SLC25A48: variants seen among roughly 807,000 people sequenced by gnomAD.
The protein encoded by SLC25A48 is CTC-321K16.1.
Under a neutral mutation model 32.2 loss-of-function variants are expected in SLC25A48, and 29 were observed. The ratio of observed to expected loss-of-function variants is 0.90; its 90% CI spans 0.67 to 1.23. The LOEUF (loss-of-function observed/expected upper bound fraction) is 1.23. SLC25A48 is among the 50% of genes most tolerant of loss of function. The pLI is 0.00. For missense variants in SLC25A48, 399 were observed against 422.7 expected (o/e 0.94, Z 0.49); for synonymous variants, 164 against 172.3 (o/e 0.95, Z 0.38).
intron 7 of SLC25A48, among the ~76,000 whole-genome samples, chr5:135,886,900 T>C (rs147293418): frequency 1.3e-4 from 20 of 151,862 alleles, no homozygotes; most frequent in African/African-American, 4.1e-4. Flanking sequence ...AGCACCAGTT[T>C]TGGTGTCTGT....
intron 3 of SLC25A48, among the ~76,000 whole-genome samples, chr5:135,643,287 G>A (rs801570): frequency 0.28 from 42,064 of 152,088 alleles, 6,337 homozygotes; most frequent in East Asian, 0.62. Flanking sequence ...GAGTCCTTGT[G>A]TGTTTTCAGC....
intron 3 of SLC25A48, among the ~76,000 whole-genome samples, chr5:135,765,880 G>A (rs1268152626): frequency 7.3e-6 from 1 of 136,982 alleles, no homozygotes; most frequent in Middle Eastern, 3.9e-3. Context: ...ACATTGCAGG[G>A]GGCATACACC....
rs149689964 is a variant in SLC25A48 at position 135,669,816 on chromosome 5, C to T, written c.-521+34860C>T. On this transcript the variant is annotated intron_variant, in intron 3 of 10. Transcript: ENST00000646290. ...TCTGTGTTCCCTGGGCAATGGTGCC[C>T]GAGGCTGAGGGATGAGATGGCAATG... Among the ~76,000 whole-genome samples, 5 of 152,186 alleles carry T rather than the reference C, an allele frequency of 3.3e-5. No homozygotes were observed. The East Asian group carries it at 7.8e-4, about 24-fold the overall frequency.
At chr5:135,751,705 G>A (rs375663224) in intron 3 of SLC25A48, among the ~76,000 whole-genome samples, 13 of 151,996 alleles carry the variant, frequency 8.6e-5, no homozygotes, top group Non-Finnish European at 1.3e-4. Flanking sequence ...ATGGTGGTGC[G>A]TGCCTGTAGT....
chr5:135,806,968 CTG>C (rs1032172712), intron 3 of SLC25A48, among the ~76,000 whole-genome samples: 5 of 150,108 alleles, frequency 3.3e-5, no homozygotes, highest in East Asian at 2.0e-4. Context: ...ATCATAATAA[CTG>C]TGTTAAAACA....
chr5:135,761,506 TTTTA>T lies in SLC25A48; in HGVS notation c.-520-51013_-520-51010del, dbSNP rs1435422026. 5.3e-5 allele frequency among the ~76,000 whole-genome samples: 8 copies of T among 152,168 alleles called. 1 individual carries two copies. The highest frequency in any genetic ancestry group is 1.7e-4 in the African/African-American group (7 of 41,444). On this transcript the variant is annotated intron_variant, in intron 3 of 10. Transcript: ENST00000646290. The stretch of plus-strand genomic sequence containing the variant: ...AAAAGAAAACTGAACTATATTCTCC[TTTTA>T]TTTGTTAATTGTTACAAAACCATAA...
At chr5:135,878,174 C>A (rs901328193) in intron 6 of SLC25A48, among the ~76,000 whole-genome samples, 1 of 152,164 alleles carries the variant, frequency 6.6e-6, no homozygotes, top group Non-Finnish European at 1.5e-5. Context: ...GCAGAGCAGG[C>A]CACAGCTGCT....
At chr5:135,621,569 A>C (rs1752325470) in intron 1 of SLC25A48, among the ~76,000 whole-genome samples, 2 of 152,206 alleles carry the variant, frequency 1.3e-5, no homozygotes, top group Admixed American at 1.3e-4. Flanking sequence ...AATCAATGGA[A>C]TAGAATAAAG....
chr5:135,698,602 A>T (rs1039373616), intron 3 of SLC25A48, among the ~76,000 whole-genome samples: 1 of 152,210 alleles, frequency 6.6e-6, no homozygotes, highest in African/African-American at 2.4e-5. Flanking sequence ...TCTTGAAAAA[A>T]AGATATTGGA....
At chr5:135,608,792 T>C (rs1751999908) in intron 1 of SLC25A48, among the ~76,000 whole-genome samples, 1 of 152,206 alleles carries the variant, frequency 6.6e-6, no homozygotes, top group Non-Finnish European at 1.5e-5. Context: ...AGGAAATTAG[T>C]GAATTGTCAC....
chr5:135,799,110 A>G (rs569739411), intron 3 of SLC25A48, among the ~76,000 whole-genome samples: 1 of 151,782 alleles, frequency 6.6e-6, no homozygotes, highest in African/African-American at 2.4e-5. Context: ...CCTAATGTAC[A>G]GGGCGGGAGA....
intron 3 of SLC25A48, among the ~76,000 whole-genome samples, chr5:135,771,522 G>A (rs961469954): frequency 4.0e-5 from 6 of 150,426 alleles, no homozygotes; most frequent in Non-Finnish European, 7.4e-5. Context: ...GTGGGGAGAC[G>A]GTGATATTAC....
chr5:135,834,229 G>A (rs922195256), upstream of SLC25A48, among the ~76,000 whole-genome samples: 14 of 152,208 alleles, frequency 9.2e-5, no homozygotes, highest in Non-Finnish European at 1.9e-4. Flanking sequence ...GTGAGCCAGG[G>A]CCAGGCAGGG....
chr5:135,888,302 G>A lies in SLC25A48; in HGVS notation c.*278G>A, dbSNP rs1226371385. ...AAGAAATGTTTGGTCCAGCTGAGAA[G>A]TCCTGACCATGAGCACCAGGGAGCC... On this transcript the variant is annotated 3_prime_UTR_variant, in exon 8 of 8. Coordinates refer to ENST00000681962, the MANE Select transcript of SLC25A48 (RefSeq NM_001349336.2). 4.3e-6 allele frequency: 2 copies of A among 466,660 alleles called. No individual in the cohort carries two copies. The highest frequency in any genetic ancestry group is 3.9e-5 in the African/African-American group (2 of 51,578). The allele number at this position is 466,660 out of a possible 1,614,324, so 28.9% of individuals were successfully genotyped here. A position where few individuals can be genotyped will look rare whatever the true frequency, so the allele number is the denominator to read the frequency against.
At chr5:135,860,757 A>C (rs1338863488) in intron 4 of SLC25A48, among the ~76,000 whole-genome samples, 1 of 152,174 alleles carries the variant, frequency 6.6e-6, no homozygotes, top group African/African-American at 2.4e-5. Flanking sequence ...AGCCTTGGGC[A>C]GGGCTTTTGA....
At chr5:135,694,753 A>G (rs1001709498) in intron 3 of SLC25A48, among the ~76,000 whole-genome samples, 2 of 151,918 alleles carry the variant, frequency 1.3e-5, no homozygotes, top group Admixed American at 1.3e-4. Context: ...TGCCTGGCTA[A>G]TTTTTGTATT....
chr5:135,798,459 C>T (rs927847792), intron 3 of SLC25A48, among the ~76,000 whole-genome samples: 2 of 151,672 alleles, frequency 1.3e-5, no homozygotes, highest in Admixed American at 6.6e-5. Flanking sequence ...CTCCCAATAT[C>T]GCAGGTTGTG....
chr5:135,584,106 G>A (rs1022030482), intron 1 of SLC25A48, among the ~76,000 whole-genome samples: 1 of 152,256 alleles, frequency 6.6e-6, no homozygotes, highest in Non-Finnish European at 1.5e-5. Flanking sequence ...GAGGCAGAGT[G>A]TATGTAGGGG....
At chr5:135,661,309 G>A (rs991549615) in intron 3 of SLC25A48, among the ~76,000 whole-genome samples, 2 of 152,218 alleles carry the variant, frequency 1.3e-5, no homozygotes, top group African/African-American at 2.4e-5. Context: ...CCAGGTAGCT[G>A]GGAGCAGCTC....
Sources: allele counts gnomAD v4.1 joint callset (sites outside exome capture counted in the v4.1 genomes callset), GRCh38; gene constraint gnomAD v4.1.1; transcripts MANE v1.5; gene names NCBI Gene and HGNC (gene_info 2026-07-23, HGNC 2026-07-21).